RNF103: variants seen among roughly 807,000 people sequenced by gnomAD.
The protein encoded by RNF103 is ring finger protein 103.
A neutral mutation model predicts 66.2 loss-of-function variants in RNF103; 23 were observed. The observed-to-expected ratio is 0.35, with a 90% CI of 0.25 to 0.49. The LOEUF is 0.49. Ranked by LOEUF, RNF103 falls within the 20% of genes least tolerant of loss-of-function variation. RNF103 has a pLI of 0.98. For synonymous variants in RNF103, 297 were observed against 289.9 expected, an observed-to-expected ratio of 1.02 and a Z score of -0.25; for missense variants, 730 against 814.7, an observed-to-expected ratio of 0.90 and a Z score of 1.27.
Position 86,623,267 on chromosome 2 carries a change from C to G in RNF103, c.-381G>C. The stretch of plus-strand genomic sequence containing the variant: ...CGGGCACTGACCCAGGTGGCGGGGT[C>G]GGCCCTCCGGTGCCGCGATCTCAAG... On this transcript the variant is annotated 5_prime_UTR_variant, in exon 1 of 4. Coordinates refer to ENST00000237455, the MANE Select transcript of RNF103 (RefSeq NM_005667.4). The G allele has an allele frequency of 3.0e-6, 3 of 997,600 alleles. No homozygotes were observed. The highest frequency in any genetic ancestry group is 3.6e-6 in the Non-Finnish European group (3 of 839,092). The allele number at this position is 997,600 out of a possible 1,614,324, so 61.8% of individuals were successfully genotyped here. A position where few individuals can be genotyped will look rare whatever the true frequency, so the allele number is the denominator to read the frequency against.
At position 86,603,859 on chromosome 2, in the gene RNF103, T is replaced by C; in HGVS notation, c.2042A>G (p.Asn681Ser). The C allele has an allele frequency of 6.2e-7, 1 of 1,611,666 alleles. No homozygotes were observed. Among genetic ancestry groups the C allele is most frequent in the Non-Finnish European group, 8.5e-7 (1 of 1,179,050 alleles). ...TGCACATGGTTAAGATGGGACATCATTTGACAAGGGCTGGTGTTGTGCATA... is the reference window on the plus strand; with the variant it reads ...TGCACATGGTTAAGATGGGACATCACTTGACAAGGGCTGGTGTTGTGCATA... ...QPYAQHQPLS[N>S]DVPS The change falls in exon 4 of 4, where the codon AAT becomes AGT. Residue 681 changes from asparagine (N) to serine (S), a missense_variant. Transcript: ENST00000237455.
At chr2:86,608,036 T>G (rs1409489936) in intron 3 of RNF103, among the ~76,000 whole-genome samples, 2 of 152,234 alleles carry the variant, frequency 1.3e-5, no homozygotes, top group African/African-American at 4.8e-5. Context: ...AAAAAAAATT[T>G]TTTTATGATC....
At chr2:86,608,617 C>G (rs1425361861) in intron 3 of RNF103, among the ~76,000 whole-genome samples, 2 of 151,926 alleles carry the variant, frequency 1.3e-5, no homozygotes. Context: ...TGCAATCCCC[C>G]CTTCTCTTCT....
At chr2:86,616,626 CTT>C in intron 2 of RNF103, 1 of 985,334 alleles carries the variant, frequency 1.0e-6, no homozygotes, top group Non-Finnish European at 1.2e-6. Context: ...GCTATTAACT[CTT>C]GTCAGCCAAA....
intron 3 of RNF103, 108 bp downstream of exon 3, chr2:86,612,051 C>T (rs1678816315): frequency 1.5e-6 from 1 of 669,846 alleles, no homozygotes; most frequent in Non-Finnish European, 2.6e-6. Flanking sequence ...GTGTGCTACA[C>T]ATTATAATAA....
chr2:86,607,248 G>A (rs1678608227), intron 3 of RNF103, among the ~76,000 whole-genome samples: 1 of 152,160 alleles, frequency 6.6e-6, no homozygotes. Flanking sequence ...AGTCATAGAT[G>A]TTATGCTTTA....
At chr2:86,617,487 G>A (rs1006169939) in intron 2 of RNF103, 2 of 436,572 alleles carry the variant, frequency 4.6e-6, no homozygotes, top group African/African-American at 4.3e-5. Flanking sequence ...TTGTTACTGT[G>A]CCTAACTTAC....
In RNF103 at chr2:86,604,224, G is replaced by T. The variant is rs1333943238; in HGVS notation, c.1677C>A (p.Ser559Arg). The change falls in exon 4 of 4, where the codon AGC becomes AGA. Residue 559 changes from serine to arginine, a missense_variant. By Grantham distance (110) the Ser-to-Arg change is moderately radical. This residue lies in a region of RNF103 where 355 missense variants were observed against 351.9 expected (regional missense o/e 1.01). Coordinates refer to ENST00000237455, the MANE Select transcript of RNF103 (RefSeq NM_005667.4). ...CTGTTCCTGGAGAATTGTGAAGTACGCTTTGCTTATCTTCAAATACTTCCT... is the reference window on the plus strand; with the variant it reads ...CTGTTCCTGGAGAATTGTGAAGTACTCTTTGCTTATCTTCAAATACTTCCT... ...SEKEVFEDKQ[S>R]VLHNSPGTAS... is the part of the protein sequence containing the mutation. 1 of 1,613,990 alleles carries T rather than the reference G, an allele frequency of 6.2e-7. No individual in the cohort carries two copies. The highest frequency in any genetic ancestry group is 8.5e-7 in the Non-Finnish European group (1 of 1,180,026).
intron 3 of RNF103, among the ~76,000 whole-genome samples, chr2:86,609,949 C>T (rs780111857): frequency 6.6e-6 from 1 of 152,210 alleles, no homozygotes; most frequent in African/African-American, 2.4e-5. Flanking sequence ...TGCCCACTTA[C>T]ACCCTGCATT....
chr2:86,605,495 C>T, intron 3 of RNF103, 77 bp from the exon 4 acceptor site: 1 of 1,451,660 alleles, frequency 6.9e-7, no homozygotes, highest in Non-Finnish European at 9.2e-7. Flanking sequence ...ATTTCTTTAG[C>T]ACCTCACCCC....
chr2:86,613,736 G>A (rs1678896134), intron 2 of RNF103: 1 of 152,204 alleles, frequency 6.6e-6, no homozygotes, highest in Admixed American at 6.5e-5. Flanking sequence ...AAATGTCAGA[G>A]GGCAGCAGAA....
intron 3 of RNF103, among the ~76,000 whole-genome samples, chr2:86,608,671 C>G (rs1378428641): frequency 6.6e-6 from 1 of 151,980 alleles, no homozygotes; most frequent in Non-Finnish European, 1.5e-5. Flanking sequence ...GACACTCTTG[C>G]CATAAGGCTT....
chr2:86,622,788 A>G lies in RNF103; in HGVS notation c.99T>C (p.Phe33=). The change falls in exon 1 of 4, where the codon TTT becomes TTC. Residue 33 remains phenylalanine (F), a synonymous_variant. Transcript: ENST00000237455. The stretch of plus-strand genomic sequence containing the variant: ...CCACCGGATCCACCAGCTGGGTGGC[A>G]AAGATGCCAGTTTCATACCACACAA... ...EAIVWYETGI[F]ATQLVDPVAL... 1 of 1,614,214 alleles carries G rather than the reference A, an allele frequency of 6.2e-7. No homozygotes were observed. The highest frequency in any genetic ancestry group is 8.5e-7 in the Non-Finnish European group (1 of 1,180,028).
In RNF103 at chr2:86,620,508, G is replaced by GA. The variant is rs768779892; in HGVS notation, c.227-40dup. The GA allele has an allele frequency of 1.9e-5, 28 of 1,493,574 alleles. No homozygotes were observed. In the East Asian group the frequency reaches 6.4e-4, roughly 34 times the overall value. 92.5% of individuals were successfully genotyped at this position (1,493,574 alleles called of 1,614,324 possible). On this transcript the variant is annotated intron_variant, in intron 1 of 3. Transcript: ENST00000237455. ...AAGAATAACACTAATAAGGTTGCAA[G>GA]AATCCTAGATTCCCAATTTCAGTAA...
At chr2:86,610,048 A>T (rs556824475) in intron 3 of RNF103, among the ~76,000 whole-genome samples, 1 of 152,334 alleles carries the variant, frequency 6.6e-6, no homozygotes, top group African/African-American at 2.4e-5. Context: ...GACCCTGACT[A>T]AGCATAGCTT....
rs200897796 is a variant in RNF103 at position 86,606,662 on chromosome 2, CAAAAAAAAAAAAA to C, written c.483-1257_483-1245del. ...TGGGCGACAGAGCAAAACTTCGTCT[CAAAAAAAAAAAAA>C]AAAAAAAAAAAAGAAAGAACAATGA... On this transcript the variant is annotated intron_variant, in intron 3 of 3. Coordinates refer to ENST00000237455, the MANE Select transcript of RNF103 (RefSeq NM_005667.4). Among the ~76,000 whole-genome samples, 839 of 97,452 alleles carry C rather than the reference CAAAAAAAAAAAAA, an allele frequency of 8.6e-3. 10 individuals carry two copies. The highest frequency in any genetic ancestry group is 0.039 in the African/African-American group (813 of 21,006). The allele number at this position is 97,452 out of a possible 152,430, so 63.9% of individuals were successfully genotyped here.
chr2:86,615,403 G>C (rs1678975005), intron 2 of RNF103: 1 of 262,622 alleles, frequency 3.8e-6, no homozygotes. Context: ...AAATTTGGTG[G>C]AGTTTAAATT....
chr2:86,616,551 C>T (rs528403872), intron 2 of RNF103: 77 of 985,248 alleles, frequency 7.8e-5, no homozygotes, highest in Middle Eastern at 5.2e-4. Context: ...GAAAGAAATA[C>T]GTAATTTAGA....
intron 1 of RNF103, among the ~76,000 whole-genome samples, chr2:86,622,141 T>C (rs1679251185): frequency 6.6e-6 from 1 of 152,216 alleles, no homozygotes; most frequent in African/African-American, 2.4e-5. Flanking sequence ...AAGCTAATAC[T>C]GTACGGTGTA....
Sources: gnomAD v4.1 joint callset for allele counts (sites outside exome capture counted in the v4.1 genomes callset) on GRCh38, gnomAD v4.1.1 for gene constraint, gnomAD v4.1.1 regional missense constraint, MANE v1.5 for transcripts, NCBI Gene and HGNC (gene_info 2026-07-23, HGNC 2026-07-21) for gene names.